Variants in CTNNA3 observed in about 807,000 individuals in gnomAD.
The protein encoded by CTNNA3 is catenin alpha-3.
A neutral mutation model predicts 95.7 loss-of-function variants in CTNNA3; 76 were observed. That is an observed-to-expected ratio of 0.79 (90% CI 0.66 to 0.96). The LOEUF (loss-of-function observed/expected upper bound fraction) is 0.96. Ranked by LOEUF, CTNNA3 falls within the 40% of genes least tolerant of loss-of-function variation. The pLI is 0.00. For missense variants in CTNNA3, 1,191 were observed against 1,089.8 expected (o/e 1.09, Z -1.31); for synonymous variants, 431 against 374.4 (o/e 1.15, Z -1.74).
chr10:66,434,714 G>A (rs778407370), intron 11 of CTNNA3, among the ~76,000 whole-genome samples: 1 of 152,138 alleles, frequency 6.6e-6, no homozygotes, highest in Middle Eastern at 3.4e-3. Flanking sequence ...GGGCATCCTT[G>A]CCTGTGCTGG....
intron 11 of CTNNA3, among the ~76,000 whole-genome samples, 186 bp downstream of exon 11, chr10:66,520,431 T>C (rs941195447): frequency 1.2e-4 from 18 of 151,604 alleles, no homozygotes; most frequent in Non-Finnish European, 2.7e-4. Context: ...TTTGTATTTT[T>C]AGTAGAGCGG....
chr10:66,256,080 C>G (rs2090759934), intron 13 of CTNNA3, among the ~76,000 whole-genome samples: 1 of 152,142 alleles, frequency 6.6e-6, no homozygotes, highest in African/African-American at 2.4e-5. Context: ...TTGGCCCAGA[C>G]AGAGGCAGGG....
intron 5 of CTNNA3, among the ~76,000 whole-genome samples, chr10:67,359,931 A>T (rs187873094): frequency 2.6e-5 from 4 of 152,110 alleles, no homozygotes; most frequent in African/African-American, 4.8e-5. Flanking sequence ...AAGAAGGAAA[A>T]ATCAAAAAGG....
At chr10:67,584,340 C>G (rs930859262) in intron 3 of CTNNA3, among the ~76,000 whole-genome samples, 3 of 152,174 alleles carry the variant, frequency 2.0e-5, no homozygotes, top group Non-Finnish European at 4.4e-5. Flanking sequence ...CCACTCCAGA[C>G]CCTGTTTGCC....
chr10:66,259,092 A>G (rs2090900648), intron 13 of CTNNA3, among the ~76,000 whole-genome samples: 1 of 152,014 alleles, frequency 6.6e-6, no homozygotes, highest in African/African-American at 2.4e-5. Flanking sequence ...TGCCTTTTTA[A>G]TGCTCTCATT....
At chr10:67,112,189 T>C (rs533350549) in intron 7 of CTNNA3, among the ~76,000 whole-genome samples, 3 of 152,282 alleles carry the variant, frequency 2.0e-5, no homozygotes, top group Admixed American at 6.5e-5. Flanking sequence ...ATTATGGATA[T>C]GTTATAACTG....
intron 1 of CTNNA3, among the ~76,000 whole-genome samples, chr10:67,657,965 G>A (rs912557238): frequency 6.6e-6 from 1 of 152,078 alleles, no homozygotes; most frequent in East Asian, 1.9e-4. Context: ...CCAGCAGAGG[G>A]AGGGCTAGAT....
At chr10:66,569,616 G>A (rs192991369) in intron 10 of CTNNA3, among the ~76,000 whole-genome samples, 1 of 152,168 alleles carries the variant, frequency 6.6e-6, no homozygotes, top group Admixed American at 6.5e-5. Flanking sequence ...CTCAGAACAT[G>A]AACTTTGATG....
intron 10 of CTNNA3, among the ~76,000 whole-genome samples, chr10:66,612,302 C>T (rs182090453): frequency 9.5e-4 from 145 of 152,258 alleles, no homozygotes; most frequent in African/African-American, 3.4e-3. Flanking sequence ...TTTTCCCATT[C>T]AGTTGACACA....
intron 6 of CTNNA3, among the ~76,000 whole-genome samples, chr10:67,199,287 A>C (rs1473915183): frequency 6.6e-6 from 1 of 152,196 alleles, no homozygotes; most frequent in Admixed American, 6.6e-5. Context: ...GTACCTGACA[A>C]CTTTGCCAAA....
intron 7 of CTNNA3, among the ~76,000 whole-genome samples, chr10:66,886,356 A>G (rs1845043359): frequency 6.6e-6 from 1 of 152,006 alleles, no homozygotes; most frequent in Non-Finnish European, 1.5e-5. Context: ...CATGAAATCA[A>G]CCTAATGGTC....
chr10:67,605,234 A>G (rs10997752), intron 3 of CTNNA3, among the ~76,000 whole-genome samples: 68,354 of 152,152 alleles, frequency 0.45, 19,139 homozygotes, highest in African/African-American at 0.8. Flanking sequence ...GATGAAAGTG[A>G]AGAACATCAT....
intron 5 of CTNNA3, among the ~76,000 whole-genome samples, chr10:67,331,333 CTG>C (rs938790365): frequency 9.2e-5 from 14 of 152,212 alleles, no homozygotes; most frequent in African/African-American, 2.9e-4. Context: ...GAATAAACTG[CTG>C]TGTTTCCATT....
chr10:66,264,543 G>A (rs760235782), intron 13 of CTNNA3, among the ~76,000 whole-genome samples: 11 of 151,916 alleles, frequency 7.2e-5, no homozygotes, highest in Admixed American at 2.0e-4. Context: ...ACATTAATTT[G>A]ACATGTAAAA....
At chr10:66,471,296 GTAT>G (rs1469238808) in intron 11 of CTNNA3, among the ~76,000 whole-genome samples, 5 of 151,380 alleles carry the variant, frequency 3.3e-5, no homozygotes, top group African/African-American at 1.2e-4. Flanking sequence ...TGCATATCTA[GTAT>G]TATTATATCT....
At chr10:65,936,333 CAACCATGA>C (rs933326846) in intron 17 of CTNNA3, among the ~76,000 whole-genome samples, 21 of 151,982 alleles carry the variant, frequency 1.4e-4, no homozygotes, top group African/African-American at 5.1e-4. Flanking sequence ...AATATATAAA[CAACCATGA>C]AACCAAATAT....
Position 66,566,303 on chromosome 10 carries a change from G to C in CTNNA3, c.1375-45530C>G, listed in dbSNP as rs570548533. Among the ~76,000 whole-genome samples the C allele has an allele frequency of 3.3e-5, 5 of 152,214 alleles. No individual in the cohort carries two copies. The East Asian group carries it at 9.7e-4, about 29-fold the overall frequency. ...TGCCCAGGATTTGGTGACTGATGGG[G>C]GAGTGGCAAAGAGAGGAATCAGGGA... On this transcript the variant is annotated intron_variant, in intron 10 of 17. Coordinates refer to ENST00000433211, the MANE Select transcript of CTNNA3 (RefSeq NM_013266.4).
chr10:66,706,357 C>CTT (rs68017483), intron 9 of CTNNA3, among the ~76,000 whole-genome samples: 4 of 144,486 alleles, frequency 2.8e-5, no homozygotes, highest in East Asian at 2.0e-4. Flanking sequence ...GATAGCTTAT[C>CTT]TTTTTTTTTT....
intron 14 of CTNNA3, among the ~76,000 whole-genome samples, chr10:66,085,983 TAAC>T (rs1352983430): frequency 6.6e-6 from 1 of 152,172 alleles, no homozygotes; most frequent in Non-Finnish European, 1.5e-5. Flanking sequence ...TCAGTAGCAC[TAAC>T]AATACAATCA....
Sources: allele counts gnomAD v4.1 joint callset (sites outside exome capture counted in the v4.1 genomes callset), GRCh38; gene constraint gnomAD v4.1.1; transcripts MANE v1.5; gene names NCBI Gene and HGNC (gene_info 2026-07-23, HGNC 2026-07-21).